The following SLC38A5 variants were observed in gnomAD, a reference collection of about 807,000 sequenced individuals.
The protein encoded by SLC38A5 is solute carrier family 38 member 5.
Under a neutral mutation model 34.6 loss-of-function variants are expected in SLC38A5, and 9 were observed. The observed-to-expected ratio is 0.26, with a 90% CI of 0.16 to 0.45. The LOEUF (loss-of-function observed/expected upper bound fraction) is 0.45, where lower values mean the gene tolerates loss of function less well. Ranked by LOEUF, SLC38A5 falls within the 20% of genes least tolerant of loss-of-function variation. The pLI, the probability that SLC38A5 is intolerant of heterozygous loss-of-function variation, is 1.00. For missense variants in SLC38A5, 253 were observed against 394.7 expected, an observed-to-expected ratio of 0.64 and a Z score of 3.04; for synonymous variants, 157 against 155.6, an observed-to-expected ratio of 1.01 and a Z score of -0.07.
intron 4 of SLC38A5, 48 bp from the exon 5 acceptor site, chrX:48,467,125 G>A (rs782114403): frequency 1.9e-6 from 2 of 1,080,113 alleles, no homozygotes; most frequent in South Asian, 2.0e-5. Flanking sequence ...CAGGGCACAG[G>A]GTAAGGAGAC....
chrX:48,459,086 C>T, intron 16 of SLC38A5, 52 bp from the exon 17 acceptor site: 1 of 1,118,016 alleles, frequency 8.9e-7, no homozygotes, highest in Non-Finnish European at 1.2e-6. Context: ...CACCCAGTTG[C>T]CTTCTGAGAA....
intron 14 of SLC38A5, 117 bp downstream of exon 14, chrX:48,460,532 C>T (rs2061426859): frequency 2.8e-6 from 2 of 704,838 alleles, no homozygotes; most frequent in African/African-American, 4.2e-5. Context: ...TCCTGTCTGT[C>T]CATCCTTGCC....
intron 4 of SLC38A5, 80 bp downstream of exon 4, chrX:48,467,630 G>A: frequency 9.1e-6 from 9 of 984,581 alleles, no homozygotes; most frequent in Non-Finnish European, 1.3e-5. Context: ...GGGAGGAGGA[G>A]GAGTGGGGAA....
At chrX:48,468,099 A>G in intron 2 of SLC38A5, 174 bp from the exon 3 acceptor site, 9 of 876,352 alleles carry the variant, frequency 1.0e-5, no homozygotes, top group Non-Finnish European at 1.4e-5. Context: ...AGACTGACAG[A>G]GAAAGAGATG....
intron 2 of SLC38A5, chrX:48,468,925 G>A (rs930483773): frequency 2.7e-6 from 2 of 750,493 alleles, no homozygotes; most frequent in Admixed American, 8.9e-5. Flanking sequence ...ATCCCCACCC[G>A]AGCCTGGAGC....
At position 48,469,401 on chromosome X, in the gene SLC38A5, A is replaced by T. The variant is rs2061499880; in HGVS notation, c.-68T>A. 9.1e-6 allele frequency: 1 copy of T among 109,597 alleles called. No individual in the cohort carries two copies. The highest frequency in any genetic ancestry group is 3.4e-5 in the African/African-American group (1 of 29,733). The allele number at this position is 109,597 out of a possible 1,213,427, so 9.0% of individuals were successfully genotyped here. A position where few individuals can be genotyped will look rare whatever the true frequency, so the allele number is the denominator to read the frequency against. On this transcript the variant is annotated 5_prime_UTR_variant, in exon 2 of 17. Transcript: ENST00000620913. Reference sequence around the variant, plus strand: ...GGTTCGGGCACCCTCTCGGCTGCCTAGGCTCCTGCTCTGGAGCGGTACTTT... The same window carrying T: ...GGTTCGGGCACCCTCTCGGCTGCCTTGGCTCCTGCTCTGGAGCGGTACTTT...
chrX:48,468,097 A>T (rs1261687558), intron 2 of SLC38A5, 172 bp from the exon 3 acceptor site: 2 of 866,594 alleles, frequency 2.3e-6, no homozygotes, highest in Non-Finnish European at 3.1e-6. Context: ...GCAGACTGAC[A>T]GAGAAAGAGA....
chrX:48,459,899 C>T, intron 14 of SLC38A5, 23 bp from the exon 15 acceptor site: 1 of 1,195,820 alleles, frequency 8.4e-7, no homozygotes, highest in African/African-American at 1.7e-5. Flanking sequence ...TAGGGTGGGA[C>T]AGAAGTCAGG....
rs1258727387 is a variant in SLC38A5 at position 48,461,872 on chromosome X, C to T, written c.772-75G>A. 13 of 1,137,875 alleles carry T rather than the reference C, an allele frequency of 1.1e-5. No individual in the cohort carries two copies. In the South Asian group the frequency reaches 1.2e-4, roughly 11 times the overall value. The allele number at this position is 1,137,875 out of a possible 1,213,427, so 93.8% of individuals were successfully genotyped here. ...CCTTCTTCCCATCCCCCTCCCGCCC[C>T]GTAATCGCCCTCCATATCAGACACA... On this transcript the variant is annotated intron_variant, in intron 11 of 16. Transcript: ENST00000620913.
intron 4 of SLC38A5, chrX:48,467,473 A>C (rs1282924606): frequency 4.2e-5 from 18 of 429,372 alleles, no homozygotes; most frequent in Middle Eastern, 6.2e-4. Flanking sequence ...CAGGGAGGGC[A>C]GTCACTGGGC....
chrX:48,461,296 C>A (rs187639203), intron 12 of SLC38A5, among the ~76,000 whole-genome samples: 1 of 111,153 alleles, frequency 9.0e-6, no homozygotes, highest in Admixed American at 9.6e-5. Flanking sequence ...GTCTCCCTCT[C>A]CCCTGCGTTT....
intron 16 of SLC38A5, 49 bp from the exon 17 acceptor site, chrX:48,459,083 T>C (rs1394975760): frequency 1.2e-5 from 13 of 1,118,387 alleles, no homozygotes; most frequent in African/African-American, 1.8e-5. Flanking sequence ...CCTCACCCAG[T>C]TGCCTTCTGA....
rs1556963227 is a variant in SLC38A5, at chrX:48,466,215, T to C, written c.412+15A>G. On this transcript the variant is annotated intron_variant, in intron 7 of 16. Transcript: ENST00000620913. ...CTCTCCCCCCAAGCTGACCCCCACC[T>C]CCCAGAGTCCTCACCCCCAACATTG... The C allele has an allele frequency of 2.1e-6, 2 of 934,518 alleles. No individual in the cohort carries two copies. The highest frequency in any genetic ancestry group is 2.6e-5 in the Admixed American group (1 of 38,718). 77.0% of individuals were successfully genotyped at this position (934,518 alleles called of 1,213,427 possible).
In SLC38A5 at chrX:48,462,524, G is replaced by A. The variant is rs782418494; in HGVS notation, c.575-233C>T. On this transcript the variant is annotated intron_variant, in intron 9 of 16. Coordinates refer to ENST00000620913, the MANE Select transcript of SLC38A5 (RefSeq NM_033518.4). The stretch of plus-strand genomic sequence containing the variant: ...CTCGGGAGGCTGAGGCAGGAGAATC[G>A]CTTGAACCGGGAGGCAGAGGTTGCA... Among the ~76,000 whole-genome samples the A allele has an allele frequency of 1.1e-3, 119 of 110,898 alleles. 1 individual carries two copies. The highest frequency in any genetic ancestry group is 2.0e-3 in the Non-Finnish European group (108 of 52,904).
At position 48,458,658 on chromosome X, in the gene SLC38A5, GCCTCCTCCTCCTCCT is replaced by G. The variant is rs782262041; in HGVS notation, c.*260_*274del. On this transcript the variant is annotated 3_prime_UTR_variant, in exon 17 of 17. Coordinates refer to ENST00000620913, the MANE Select transcript of SLC38A5 (RefSeq NM_033518.4). ...TGGGCAAAGGCTCCACCAGGACCTGGCCTCCTCCTCCTCCTCCTCCTCCTCCTCCTCCTCCTCTTC... is the reference window on the plus strand; with the variant it reads ...TGGGCAAAGGCTCCACCAGGACCTGGCCTCCTCCTCCTCCTCCTCCTCTTC... 49 of 792,673 alleles carry G rather than the reference GCCTCCTCCTCCTCCT, an allele frequency of 6.2e-5. No individual in the cohort carries two copies. The highest frequency in any genetic ancestry group is 7.7e-5 in the Non-Finnish European group (49 of 634,803). The allele number at this position is 792,673 out of a possible 1,213,427, so 65.3% of individuals were successfully genotyped here.
chrX:48,463,864 AAAGAAAG>A (rs1220797420), intron 8 of SLC38A5, among the ~76,000 whole-genome samples: 2 of 85,507 alleles, frequency 2.3e-5, no homozygotes, highest in Non-Finnish European at 4.5e-5. Flanking sequence ...AGAAAGAAAG[AAAGAAAG>A]AAAGAAAGAA....
intron 9 of SLC38A5, 68 bp downstream of exon 9, chrX:48,462,830 G>T (rs2147063034): frequency 1.2e-6 from 1 of 857,537 alleles, no homozygotes; most frequent in Non-Finnish European, 1.7e-6. Context: ...AAATGAATGG[G>T]GGTTTTCTCA....
At chrX:48,460,552 C>T (rs1189212171) in intron 14 of SLC38A5, 97 bp downstream of exon 14, 1 of 846,364 alleles carries the variant, frequency 1.2e-6, no homozygotes, top group East Asian at 3.3e-5. Context: ...CTCCTTCATC[C>T]ATCCATCCAC....
At chrX:48,460,908 G>A (rs2061429203) in intron 13 of SLC38A5, 78 bp downstream of exon 13, 1 of 1,032,422 alleles carries the variant, frequency 9.7e-7, no homozygotes, top group East Asian at 3.3e-5. Context: ...CAGGTCCGTG[G>A]TCACAGAAGG....
Sources: gnomAD v4.1 joint callset for allele counts (sites outside exome capture counted in the v4.1 genomes callset) on GRCh38, gnomAD v4.1.1 for gene constraint, MANE v1.5 for transcripts, NCBI Gene and HGNC (gene_info 2026-07-23, HGNC 2026-07-21) for gene names.